Variants in FNIP1 observed in about 807,000 individuals in gnomAD.
The protein encoded by FNIP1 is folliculin-interacting protein 1.
FNIP1 carries 40 observed loss-of-function variants against 124.5 expected under a neutral mutation model. That is an observed-to-expected ratio of 0.32 (90% CI 0.25 to 0.42). The LOEUF is 0.42. Ranked by LOEUF, FNIP1 falls within the 10% of genes least tolerant of loss-of-function variation. The pLI is 1.00. For synonymous variants in FNIP1, 472 were observed against 470.6 expected (o/e 1.00, Z -0.04); for missense variants, 1,176 against 1,403.7 (o/e 0.84, Z 2.59).
At chr5:131,750,926 G>A (rs1770853744) in intron 1 of FNIP1, among the ~76,000 whole-genome samples, 1 of 152,048 alleles carries the variant, frequency 6.6e-6, no homozygotes, top group African/African-American at 2.4e-5. Flanking sequence ...TGCCTAATAT[G>A]GACAAAATTT....
chr5:131,776,683 T>C (rs1771817391), intron 1 of FNIP1, among the ~76,000 whole-genome samples: 2 of 152,194 alleles, frequency 1.3e-5, no homozygotes, highest in East Asian at 1.9e-4. Context: ...AATTGGAACA[T>C]AATTCCATTT....
chr5:131,706,767 T>C (rs1284788951), intron 8 of FNIP1, among the ~76,000 whole-genome samples: 3 of 152,210 alleles, frequency 2.0e-5, no homozygotes, highest in African/African-American at 7.2e-5. Context: ...ACAATCCCCT[T>C]TTGGCATTCC....
At chr5:131,761,600 G>A (rs1296851962) in intron 1 of FNIP1, among the ~76,000 whole-genome samples, 1 of 151,998 alleles carries the variant, frequency 6.6e-6, no homozygotes, top group African/African-American at 2.4e-5. Flanking sequence ...AGTGATGAAA[G>A]AAATTAATGA....
At chr5:131,697,299 T>C (rs1768731055) in intron 11 of FNIP1, among the ~76,000 whole-genome samples, 1 of 152,184 alleles carries the variant, frequency 6.6e-6, no homozygotes, top group Non-Finnish European at 1.5e-5. Flanking sequence ...ACACATTTAT[T>C]ATTATTTTTG....
intron 15 of FNIP1, among the ~76,000 whole-genome samples, chr5:131,659,207 T>C (rs577836020): frequency 3.3e-5 from 5 of 152,220 alleles, no homozygotes; most frequent in East Asian, 3.9e-4. Context: ...AGGGTACATG[T>C]TGTTGCCGCC....
rs181300828 is a variant in FNIP1, at chr5:131,748,296, C to T, written c.93-3606G>A. ...CATCACATGGTAGCACAAAGTATTACGCACATGTCTGTGGTGATGCTCATG... is the reference window on the plus strand; with the variant it reads ...CATCACATGGTAGCACAAAGTATTATGCACATGTCTGTGGTGATGCTCATG... On this transcript the variant is annotated intron_variant, in intron 1 of 17. Coordinates refer to ENST00000510461, the MANE Select transcript of FNIP1 (RefSeq NM_133372.3). Among the ~76,000 whole-genome samples the T allele has an allele frequency of 9.6e-4, 146 of 152,226 alleles. No homozygotes were observed. The Middle Eastern group carries it at 0.024, about 25-fold the overall frequency.
At chr5:131,685,454 T>TA (rs1438005367) in intron 11 of FNIP1, among the ~76,000 whole-genome samples, 2 of 148,648 alleles carry the variant, frequency 1.3e-5, no homozygotes, top group Non-Finnish European at 3.0e-5. Context: ...GAATCTTTTT[T>TA]TTTTTTTTTT....
At chr5:131,748,269 G>A (rs1770749251) in intron 1 of FNIP1, among the ~76,000 whole-genome samples, 1 of 152,156 alleles carries the variant, frequency 6.6e-6, no homozygotes, top group African/African-American at 2.4e-5. Flanking sequence ...CACTGTAGCT[G>A]TCATCACATG....
At chr5:131,693,311 T>TAA (rs763589403) in intron 11 of FNIP1, among the ~76,000 whole-genome samples, 1 of 62,420 alleles carries the variant, frequency 1.6e-5, no homozygotes, top group Non-Finnish European at 3.3e-5. Flanking sequence ...TATATATATA[T>TAA]ATATACACAT....
intron 1 of FNIP1, among the ~76,000 whole-genome samples, chr5:131,756,348 G>C (rs1771050521): frequency 6.6e-6 from 1 of 152,044 alleles, no homozygotes; most frequent in South Asian, 2.1e-4. Context: ...AAATTATCTT[G>C]AATCACCAAG....
chr5:131,716,992 T>A (rs6893053), intron 5 of FNIP1, among the ~76,000 whole-genome samples: 12,450 of 151,522 alleles, frequency 0.082, 1,086 homozygotes, highest in African/African-American at 0.22. Flanking sequence ...ATATATATTT[T>A]TTTTTATTAT....
chr5:131,734,358 C>T (rs1405929519), intron 2 of FNIP1, among the ~76,000 whole-genome samples: 2 of 152,196 alleles, frequency 1.3e-5, no homozygotes, highest in African/African-American at 4.8e-5. Flanking sequence ...TATTTCTTGC[C>T]TTCTGCTAGC....
intron 6 of FNIP1, among the ~76,000 whole-genome samples, chr5:131,712,505 AT>A (rs1396679719): frequency 6.6e-6 from 1 of 152,222 alleles, no homozygotes; most frequent in Admixed American, 6.5e-5. Flanking sequence ...TTCAACGAAA[AT>A]ATCACAAAAG....
intron 12 of FNIP1, 29 bp from the exon 13 acceptor site, chr5:131,677,901 CCAAT>C: frequency 5.0e-6 from 8 of 1,599,394 alleles, no homozygotes; most frequent in Non-Finnish European, 6.0e-6. Context: ...TGATCAGATT[CCAAT>C]CAGTCTTCAT....
Position 131,644,579 on chromosome 5 carries a change from C to A in FNIP1, c.*106G>T. ...AGAATACCCTGGTGACTGACTCATTCAGATGGAAGTCTAAAAGGGAAAAAG... is the reference window on the plus strand; with the variant it reads ...AGAATACCCTGGTGACTGACTCATTAAGATGGAAGTCTAAAAGGGAAAAAG... On this transcript the variant is annotated 3_prime_UTR_variant, in exon 18 of 18. Transcript: ENST00000510461. 1 of 918,912 alleles carries A rather than the reference C, an allele frequency of 1.1e-6. No individual in the cohort carries two copies. Among genetic ancestry groups the A allele is most frequent in the Admixed American group, 2.0e-5 (1 of 49,034 alleles). The allele number at this position is 918,912 out of a possible 1,614,324, so 56.9% of individuals were successfully genotyped here.
chr5:131,731,138 A>G, intron 2 of FNIP1, 100 bp from the exon 3 acceptor site: 1 of 1,082,980 alleles, frequency 9.2e-7, no homozygotes. Flanking sequence ...AGAATGAAAT[A>G]ACTCAAAATA....
At position 131,670,522 on chromosome 5, in the gene FNIP1, T is replaced by C. The variant is rs75230540; in HGVS notation, c.3049A>G (p.Ile1017Val). Residue 1017 changes from isoleucine (I) to valine (V), a missense_variant, in exon 15 of 18, where the codon ATT becomes GTT. Physicochemically the swap from Ile to Val is conservative, Grantham distance 29 (BLOSUM62 3). Around this residue, in one of 2 missense-constraint regions of FNIP1, gnomAD observed 1,109 missense variants for 1,288.5 expected, o/e 0.86. Coordinates refer to ENST00000510461, the MANE Select transcript of FNIP1 (RefSeq NM_133372.3). ...TGACGGAACCTCTCATCACTCCCAA[T>C]TCCTTGAAGAACAAAGTCAGGCACA... is the stretch of plus-strand genomic sequence containing the variant. ...SYVPDFVLQG[I>V]GSDERFRQCL... The C allele has an allele frequency of 1.2e-6, 2 of 1,613,498 alleles. No individual in the cohort carries two copies. The highest frequency in any genetic ancestry group is 8.5e-7 in the Non-Finnish European group (1 of 1,179,862).
In FNIP1 at chr5:131,796,984, C is replaced by A. The variant is rs927632396; in HGVS notation, c.-63G>T. The A allele has an allele frequency of 1.5e-5, 22 of 1,428,478 alleles. No individual in the cohort carries two copies. The highest frequency in any genetic ancestry group is 2.1e-5 in the Admixed American group (1 of 46,852). The allele number at this position is 1,428,478 out of a possible 1,614,324, so 88.5% of individuals were successfully genotyped here. A position where few individuals can be genotyped will look rare whatever the true frequency, so the allele number is the denominator to read the frequency against. On this transcript the variant is annotated 5_prime_UTR_variant, in exon 1 of 18. Transcript: ENST00000510461. ...CTTGCTAGGCCCCTGCTCCTACAGC[C>A]GCCCCGCCACCCCCATGGGCGCCTC...
Position 131,704,147 on chromosome 5 carries a change from T to G in FNIP1, c.1034A>C (p.Asn345Thr), listed in dbSNP as rs1486903364. The G allele has an allele frequency of 6.2e-7, 1 of 1,613,004 alleles. No homozygotes were observed. Among genetic ancestry groups the G allele is most frequent in the African/African-American group, 1.3e-5 (1 of 74,890 alleles). ...AAAAAAGAATTCATTAAATTTGTTA[T>G]TTTCATCTTCATCTTTGGACAATGA... ...IFSLSKDEDE[N>T]NKFNEFFFSH... Residue 345 changes from asparagine (N) to threonine (T), a missense_variant, in exon 10 of 18, where the codon AAT becomes ACT. Asn to Thr is a moderately conservative substitution (Grantham distance 65). Around this residue, in one of 2 missense-constraint regions of FNIP1, gnomAD observed 1,109 missense variants for 1,288.5 expected, o/e 0.86. Transcript: ENST00000510461.
Sources: allele counts gnomAD v4.1 joint callset (sites outside exome capture counted in the v4.1 genomes callset), GRCh38; gene constraint gnomAD v4.1.1; regional missense constraint gnomAD v4.1.1; transcripts MANE v1.5; gene names NCBI Gene and HGNC (gene_info 2026-07-23, HGNC 2026-07-21).